MYO1B: variants seen among roughly 807,000 people sequenced by gnomAD.
MYO1B encodes the protein unconventional myosin-Ib.
MYO1B carries 72 observed loss-of-function variants against 159.7 expected under a neutral mutation model. That is an observed-to-expected ratio of 0.45 (90% CI 0.37 to 0.55). MYO1B has a LOEUF of 0.55. Ranked by LOEUF, MYO1B falls within the 20% of genes least tolerant of loss-of-function variation. The probability of loss-of-function intolerance (pLI) is 0.00; values close to 1 mark genes in which losing one functional copy is unlikely to be tolerated. For missense variants in MYO1B, 1,062 were observed against 1,364.8 expected (o/e 0.78, Z 3.50); for synonymous variants, 468 against 473.8 (o/e 0.99, Z 0.16).
chr2:191,259,765 G>A (rs1238021194), intron 1 of MYO1B, among the ~76,000 whole-genome samples: 3 of 152,186 alleles, frequency 2.0e-5, no homozygotes, highest in Non-Finnish European at 4.4e-5. Context: ...GGGGCAGAAA[G>A]AGTTGGAGTC....
intron 13 of MYO1B, among the ~76,000 whole-genome samples, chr2:191,373,081 A>C (rs1004927264): frequency 6.6e-6 from 1 of 151,678 alleles, no homozygotes; most frequent in African/African-American, 2.4e-5. Context: ...CGATCTTTTG[A>C]CTTCATGATC....
At chr2:191,311,236 A>C (rs1375583968) in intron 3 of MYO1B, among the ~76,000 whole-genome samples, 1 of 152,154 alleles carries the variant, frequency 6.6e-6, no homozygotes, top group African/African-American at 2.4e-5. Context: ...TACATTTTCT[A>C]CTAATCTTTT....
chr2:191,375,575 T>C (rs888017114), intron 13 of MYO1B, among the ~76,000 whole-genome samples: 4 of 152,150 alleles, frequency 2.6e-5, no homozygotes, highest in Admixed American at 6.6e-5. Context: ...CTCCTCCCCA[T>C]GTGTCAGTCT....
intron 5 of MYO1B, among the ~76,000 whole-genome samples, chr2:191,343,392 G>C (rs1278731998): frequency 6.6e-6 from 1 of 152,066 alleles, no homozygotes; most frequent in Non-Finnish European, 1.5e-5. Context: ...AGTATTCACT[G>C]TGACCCCAAG....
chr2:191,254,034 G>A (rs1686286884), intron 1 of MYO1B, among the ~76,000 whole-genome samples: 1 of 152,120 alleles, frequency 6.6e-6, no homozygotes, highest in African/African-American at 2.4e-5. Flanking sequence ...TTTCTGGTTA[G>A]TGTTGCTGGT....
At chr2:191,354,351 T>TA (rs1193688674) in intron 7 of MYO1B, among the ~76,000 whole-genome samples, 1 of 151,378 alleles carries the variant, frequency 6.6e-6, no homozygotes, top group African/African-American at 2.4e-5. Flanking sequence ...CAAAAGTAAT[T>TA]ATGTACAGTT....
intron 1 of MYO1B, among the ~76,000 whole-genome samples, chr2:191,266,727 A>G (rs2125707305): frequency 6.6e-6 from 1 of 152,274 alleles, no homozygotes; most frequent in South Asian, 2.1e-4. Context: ...CTCTTTAATT[A>G]TAAACAAAGG....
chr2:191,246,025 C>T (rs1685767935), intron 1 of MYO1B: 3 of 152,430 alleles, frequency 2.0e-5, no homozygotes, highest in African/African-American at 7.2e-5. Flanking sequence ...GGTGTGGCTT[C>T]CTCCGGGCAG....
intron 2 of MYO1B, among the ~76,000 whole-genome samples, chr2:191,278,083 A>C (rs1197636213): frequency 6.6e-6 from 1 of 152,150 alleles, no homozygotes; most frequent in Non-Finnish European, 1.5e-5. Flanking sequence ...TAGATAGCCA[A>C]CTCTCTTTAT....
At chr2:191,383,521 C>CGT (rs1432279223) in intron 15 of MYO1B, among the ~76,000 whole-genome samples, 179 bp downstream of exon 15, 224 of 28,556 alleles carry the variant, frequency 7.8e-3, no homozygotes, top group Admixed American at 0.011. Flanking sequence ...CACGTACACA[C>CGT]ACACACACAC....
In MYO1B at chr2:191,344,809, G is replaced by A. The variant is rs371076845; in HGVS notation, c.452-1427G>A. 6.1e-3 allele frequency among the ~76,000 whole-genome samples: 690 copies of A among 113,260 alleles called. 6 individuals are homozygous for A. Among genetic ancestry groups the A allele is most frequent in the African/African-American group, 0.023 (655 of 28,034 alleles). The allele number at this position is 113,260 out of a possible 152,430, so 74.3% of individuals were successfully genotyped here. ...CCCGCCGCTGCACTCCAGCCTGGGC[G>A]ACAGAGCGAGACTCCGTCTCAAAAA... On this transcript the variant is annotated intron_variant, in intron 5 of 30. Transcript: ENST00000392318.
At chr2:191,332,173 G>C (rs554540424) in intron 4 of MYO1B, among the ~76,000 whole-genome samples, 2 of 152,248 alleles carry the variant, frequency 1.3e-5, no homozygotes, top group East Asian at 3.9e-4. Flanking sequence ...ATGTTGGCCA[G>C]GCTGGTCTTG....
rs1366919941 is a variant in MYO1B, at chr2:191,398,417, G to GC, written c.2295+1920_2295+1921insC. On this transcript the variant is annotated intron_variant, in intron 21 of 30. Transcript: ENST00000392318. ...CGGACGGGGCGGCTGGCCGGGCGGG[G>GC]GGCTGACCCCCCCCCACCTCCCTCC... Among the ~76,000 whole-genome samples the GC allele has an allele frequency of 1.6e-4, 9 of 55,414 alleles. No homozygotes were observed. In the East Asian group the frequency reaches 0.013, roughly 80 times the overall value. 36.4% of individuals were successfully genotyped at this position (55,414 alleles called of 152,430 possible).
At chr2:191,304,187 G>A (rs1689504314) in intron 3 of MYO1B, among the ~76,000 whole-genome samples, 1 of 152,190 alleles carries the variant, frequency 6.6e-6, no homozygotes, top group African/African-American at 2.4e-5. Flanking sequence ...CACCTAATTA[G>A]CTTCTGTAAA....
At position 191,272,491 on chromosome 2, in the gene MYO1B, G is replaced by A. The variant is rs144778645; in HGVS notation, c.-9-4396G>A. On this transcript the variant is annotated intron_variant, in intron 1 of 30. Transcript: ENST00000392318. The stretch of plus-strand genomic sequence containing the variant: ...TAGAGTGAGGTGGCACCTCTCCTGG[G>A]CTACATCTGCATGGCAGAAGTGCTT... Among the ~76,000 whole-genome samples the A allele has an allele frequency of 1.8e-4, 27 of 152,292 alleles. No individual in the cohort carries two copies. The East Asian group carries it at 5.2e-3, about 29-fold the overall frequency.
In MYO1B at chr2:191,364,391, A is replaced by G. The variant is rs1215207355; in HGVS notation, c.1032+115A>G. On this transcript the variant is annotated intron_variant, in intron 11 of 30. Transcript: ENST00000392318. ...TGTTACCTGAATCGTACTATGTTCT[A>G]GGCATTGGGAACAGAGCAGTAAACT... 5.0e-6 allele frequency: 4 copies of G among 801,150 alleles called. No homozygotes were observed. In the African/African-American group the frequency reaches 5.2e-5, roughly 10 times the overall value. The allele number at this position is 801,150 out of a possible 1,614,324, so 49.6% of individuals were successfully genotyped here.
chr2:191,334,679 C>T (rs571440707), intron 4 of MYO1B, among the ~76,000 whole-genome samples: 167 of 152,142 alleles, frequency 1.1e-3, no homozygotes, highest in Admixed American at 2.6e-3. Context: ...GGCTTGTCAC[C>T]CTTTCCTCTG....
Position 191,408,184 on chromosome 2 carries a change from A to G in MYO1B, c.2626A>G (p.Arg876Gly). 2 of 1,610,392 alleles carry G rather than the reference A, an allele frequency of 1.2e-6. No individual in the cohort carries two copies. Among genetic ancestry groups the G allele is most frequent in the African/African-American group, 2.7e-5 (2 of 74,962 alleles). The change falls in exon 25 of 31, where the codon AGA becomes GGA. Residue 876 changes from arginine (R) to glycine (G), a missense_variant. Around this residue, in one of 5 missense-constraint regions of MYO1B, gnomAD observed 609 missense variants for 744.4 expected, o/e 0.82. Coordinates refer to ENST00000392318, the MANE Select transcript of MYO1B (RefSeq NM_001130158.3). The part of the protein sequence containing the change: ...GKKIYEFTLQ[R>G]IVQKYFLEMK... Reference sequence around the variant, plus strand: ...GAAAATCTATGAGTTTACGCTTCAGAGAATTGTAAGTTGACACTTTATATC... The same window carrying G: ...GAAAATCTATGAGTTTACGCTTCAGGGAATTGTAAGTTGACACTTTATATC...
intron 3 of MYO1B, among the ~76,000 whole-genome samples, chr2:191,321,258 G>A (rs1690692269): frequency 6.6e-6 from 1 of 152,164 alleles, no homozygotes; most frequent in Admixed American, 6.6e-5. Context: ...TTAGCATTAA[G>A]TTGTAAAGGT....
Sources: allele counts gnomAD v4.1 joint callset (sites outside exome capture counted in the v4.1 genomes callset), GRCh38; gene constraint gnomAD v4.1.1; regional missense constraint gnomAD v4.1.1; transcripts MANE v1.5; gene names NCBI Gene and HGNC (gene_info 2026-07-23, HGNC 2026-07-21).